BCAS3: variants seen among roughly 807,000 people sequenced by gnomAD.
The protein encoded by BCAS3 is BCAS3 microtubule associated cell migration factor.
Under a neutral mutation model 116.1 loss-of-function variants are expected in BCAS3, and 53 were observed. That is an observed-to-expected ratio of 0.46 (90% CI 0.37 to 0.57). BCAS3 has a LOEUF of 0.57. Ranked by LOEUF, BCAS3 falls within the 20% of genes least tolerant of loss-of-function variation. The probability of loss-of-function intolerance (pLI) is 0.00; values close to 1 mark genes in which losing one functional copy is unlikely to be tolerated. For missense variants in BCAS3, 917 were observed against 1,165.4 expected, an observed-to-expected ratio of 0.79 and a Z score of 3.10; for synonymous variants, 391 against 408.2, an observed-to-expected ratio of 0.96 and a Z score of 0.51.
intron 14 of BCAS3, among the ~76,000 whole-genome samples, chr17:60,984,721 T>G (rs1277175094): frequency 6.6e-6 from 1 of 152,002 alleles, no homozygotes; most frequent in Non-Finnish European, 1.5e-5. Context: ...ATGAAATGTT[T>G]TGTTTTATCC....
chr17:60,770,830 A>ATTTGTTTTGT, intron 6 of BCAS3, among the ~76,000 whole-genome samples: 1 of 91,566 alleles, frequency 1.1e-5, no homozygotes, highest in South Asian at 3.8e-4. Flanking sequence ...TAAAACTGAA[A>ATTTGTTTTGT]TTTGTTTTTT....
chr17:61,222,887 T>A lies in BCAS3; in HGVS notation c.2425+138323T>A, dbSNP rs935748677. 6.6e-6 allele frequency among the ~76,000 whole-genome samples: 1 copy of A among 152,184 alleles called. No individual in the cohort carries two copies. Among genetic ancestry groups the A allele is most frequent in the African/African-American group, 2.4e-5 (1 of 41,448 alleles). The stretch of plus-strand genomic sequence containing the variant: ...TTCCTTTGCTTTCATGTTTGCTCCC[T>A]TTCTGAAAGATGGGGGTTGTAATTT... On this transcript the variant is annotated intron_variant, in intron 22 of 23. Transcript: ENST00000407086. This position sits in a 1 kb window ranked among gnomAD's most constrained non-coding sequence, Gnocchi z 6.1.
At chr17:60,765,817 T>A (rs1716982707) in intron 6 of BCAS3, among the ~76,000 whole-genome samples, 4 of 152,242 alleles carry the variant, frequency 2.6e-5, no homozygotes, top group Admixed American at 2.0e-4. Context: ...CCTGTCGCTT[T>A]CAGATACACC....
chr17:60,973,605 A>ATATATATATATATATG (rs1568003311), intron 14 of BCAS3, among the ~76,000 whole-genome samples: 2 of 148,956 alleles, frequency 1.3e-5, no homozygotes, highest in East Asian at 4.0e-4. Flanking sequence ...ATATATATAT[A>ATATATATATATATATG]TATGTATGAA....
Position 61,021,420 on chromosome 17 carries a change from G to A in BCAS3, c.1637+5519G>A, listed in dbSNP as rs1190528808. On this transcript the variant is annotated intron_variant, in intron 16 of 23. Transcript: ENST00000407086. The surrounding 1 kb of genome is among the most constrained non-coding windows in gnomAD (Gnocchi z 4.6). ...TATTAGGAAGCTTCAGATGCACCCT[G>A]TAGAAGTAGGTTAAGTAATGTAGTG... is the stretch of plus-strand genomic sequence containing the variant. 6.6e-6 allele frequency among the ~76,000 whole-genome samples: 1 copy of A among 152,122 alleles called. No homozygotes were observed. The highest frequency in any genetic ancestry group is 1.5e-5 in the Non-Finnish European group (1 of 68,016).
intron 9 of BCAS3, among the ~76,000 whole-genome samples, chr17:60,879,716 A>G (rs929003996): frequency 6.6e-6 from 1 of 152,166 alleles, no homozygotes; most frequent in Non-Finnish European, 1.5e-5. Context: ...GGAGGAGAAA[A>G]CTTATTTCTT....
chr17:60,982,867 A>G (rs2062897384), intron 14 of BCAS3, among the ~76,000 whole-genome samples: 1 of 152,180 alleles, frequency 6.6e-6, no homozygotes, highest in Non-Finnish European at 1.5e-5. Flanking sequence ...TACTGAACCC[A>G]GTTCTAAAAA....
Position 61,309,221 on chromosome 17 carries a change from A to G in BCAS3, c.2426-59106A>G, listed in dbSNP as rs1398883478. Among the ~76,000 whole-genome samples the G allele has an allele frequency of 1.3e-5, 2 of 152,224 alleles. No homozygotes were observed. The highest frequency in any genetic ancestry group is 3.8e-4 in the East Asian group (2 of 5,196). ...GAGGATACGTATAAGGGAATTAGAT[A>G]ACTCTCTACGTGATTTGCAAACACC... On this transcript the variant is annotated intron_variant, in intron 22 of 23. Transcript: ENST00000407086. The surrounding 1 kb of genome is among the most constrained non-coding windows in gnomAD (Gnocchi z 4.6).
intron 22 of BCAS3, among the ~76,000 whole-genome samples, chr17:61,101,794 T>A (rs2074344226): frequency 6.6e-6 from 1 of 152,290 alleles, no homozygotes; most frequent in African/African-American, 2.4e-5. Context: ...CAGAATAATA[T>A]TTGGCTTTTT....
Position 61,037,822 on chromosome 17 carries a change from T to C in BCAS3, c.1763-67T>C. On this transcript the variant is annotated intron_variant, in intron 17 of 23. Coordinates refer to ENST00000407086, the MANE Select transcript of BCAS3 (RefSeq NM_017679.5). This position sits in a 1 kb window ranked among gnomAD's most constrained non-coding sequence, Gnocchi z 4.7. Reference sequence around the variant, plus strand: ...GAGCAGACTAATAAGATCATTAACTTGTAAAAATTATTCTGTGCTCCATTT... The same window carrying C: ...GAGCAGACTAATAAGATCATTAACTCGTAAAAATTATTCTGTGCTCCATTT... 7.1e-7 allele frequency: 1 copy of C among 1,401,010 alleles called. No homozygotes were observed. The allele number at this position is 1,401,010 out of a possible 1,614,324, so 86.8% of individuals were successfully genotyped here.
intron 7 of BCAS3, among the ~76,000 whole-genome samples, chr17:60,814,565 G>C (rs765397087): frequency 6.6e-6 from 1 of 151,570 alleles, no homozygotes; most frequent in Non-Finnish European, 1.5e-5. Context: ...TCTTTCTCTT[G>C]CCTGATTGCT....
intron 6 of BCAS3, among the ~76,000 whole-genome samples, chr17:60,798,189 A>C (rs1229559347): frequency 6.6e-6 from 1 of 152,210 alleles, no homozygotes; most frequent in African/African-American, 2.4e-5. Context: ...AAAGTCCCTA[A>C]TTGACATTAG....
In BCAS3 at chr17:61,088,378, G is replaced by A. The variant is rs1436421096; in HGVS notation, c.2425+3814G>A. Among the ~76,000 whole-genome samples the A allele has an allele frequency of 6.6e-6, 1 of 152,208 alleles. No homozygotes were observed. Among genetic ancestry groups the A allele is most frequent in the Non-Finnish European group, 1.5e-5 (1 of 68,046 alleles). On this transcript the variant is annotated intron_variant, in intron 22 of 23. Coordinates refer to ENST00000407086, the MANE Select transcript of BCAS3 (RefSeq NM_017679.5). The surrounding 1 kb of genome is among the most constrained non-coding windows in gnomAD (Gnocchi z 4.2). ...AGTTGCTCACTTTTTCCCATATCCA[G>A]CTGATGAACAACAATGTCGATGAAT...
intron 6 of BCAS3, among the ~76,000 whole-genome samples, chr17:60,770,774 T>C (rs1359397786): frequency 6.6e-6 from 1 of 151,030 alleles, no homozygotes; most frequent in African/African-American, 2.4e-5. Flanking sequence ...GGTTCCTCTC[T>C]GTGGAGGAGG....
chr17:60,852,920 A>G (rs899481282), intron 7 of BCAS3, among the ~76,000 whole-genome samples: 13 of 152,238 alleles, frequency 8.5e-5, no homozygotes, highest in Non-Finnish European at 1.5e-4. Context: ...CTCATACCAT[A>G]AGATTAACCA....
chr17:60,830,660 GA>G (rs2050833416), intron 7 of BCAS3, among the ~76,000 whole-genome samples: 1 of 152,000 alleles, frequency 6.6e-6, no homozygotes, highest in South Asian at 2.1e-4. Flanking sequence ...GAAAGATTTA[GA>G]AAAACTCCTT....
chr17:60,882,964 T>C (rs2056317261), intron 9 of BCAS3, among the ~76,000 whole-genome samples: 4 of 117,900 alleles, frequency 3.4e-5, no homozygotes, highest in African/African-American at 1.5e-4. Context: ...AGTAGTTTTT[T>C]CCAATTCTGT....
intron 5 of BCAS3, chr17:60,720,021 G>A (rs1194632274): frequency 6.6e-6 from 1 of 152,170 alleles, no homozygotes; most frequent in Non-Finnish European, 1.5e-5. Context: ...AGCAAAAATT[G>A]TATAGCATAT....
At chr17:61,107,364 C>T (rs1478614028) in intron 22 of BCAS3, among the ~76,000 whole-genome samples, 3 of 152,048 alleles carry the variant, frequency 2.0e-5, no homozygotes, top group Admixed American at 6.6e-5. Context: ...GGATTACAGG[C>T]GTGAGCCACT....
Sources: allele counts gnomAD v4.1 joint callset (sites outside exome capture counted in the v4.1 genomes callset), GRCh38; gene constraint gnomAD v4.1.1; non-coding constraint Gnocchi (gnomAD v3.1); transcripts MANE v1.5; gene names NCBI Gene and HGNC (gene_info 2026-07-23, HGNC 2026-07-21).